The following SCN3A variants were observed in gnomAD, a reference collection of about 807,000 sequenced individuals.
SCN3A encodes the protein sodium channel protein type 3 subunit alpha.
In SCN3A, 60 loss-of-function variants were observed where a neutral mutation model predicts 187.6. The ratio of observed to expected loss-of-function variants is 0.32; its 90% CI spans 0.26 to 0.40. The LOEUF (loss-of-function observed/expected upper bound fraction) is 0.40. Ranked by LOEUF, SCN3A falls within the 10% of genes least tolerant of loss-of-function variation. The pLI, the probability that SCN3A is intolerant of heterozygous loss-of-function variation, is 1.00. For missense variants in SCN3A, 1,601 were observed against 2,428.2 expected (o/e 0.66, Z 7.16); for synonymous variants, 788 against 829.2 (o/e 0.95, Z 0.85).
intron 5 of SCN3A, among the ~76,000 whole-genome samples, 165 bp downstream of exon 5, chr2:165,168,571 G>A (rs142220679): frequency 1.9e-4 from 29 of 152,012 alleles, no homozygotes; most frequent in Admixed American, 3.9e-4. Context: ...TACTTACCTC[G>A]TAGAAGAATA....
At chr2:165,119,443 C>T (rs889031859) in intron 18 of SCN3A, among the ~76,000 whole-genome samples, 2 of 152,122 alleles carry the variant, frequency 1.3e-5, no homozygotes, top group Non-Finnish European at 2.9e-5. Flanking sequence ...TCACTGGATA[C>T]ATAAAGAACT....
chr2:165,172,867 C>A (rs1296672351), intron 3 of SCN3A, among the ~76,000 whole-genome samples: 1 of 152,094 alleles, frequency 6.6e-6, no homozygotes, highest in Non-Finnish European at 1.5e-5. Context: ...CAATACCTGA[C>A]ACAAAGAGAA....
At chr2:165,099,275 A>C (rs528144597) in intron 22 of SCN3A, among the ~76,000 whole-genome samples, 1 of 152,346 alleles carries the variant, frequency 6.6e-6, no homozygotes, top group East Asian at 1.9e-4. Flanking sequence ...ACCGAGGGGC[A>C]TGGCAAATGG....
At chr2:165,196,479 T>C (rs1321750725) in intron 1 of SCN3A, among the ~76,000 whole-genome samples, 1 of 152,116 alleles carries the variant, frequency 6.6e-6, no homozygotes, top group Admixed American at 6.6e-5. Context: ...ATGATGATCC[T>C]CTAGGGAAAA....
In SCN3A at chr2:165,090,507, G is replaced by A. The variant is rs770414744; in HGVS notation, c.5646C>T (p.Asn1882=). The A allele has an allele frequency of 3.7e-6, 6 of 1,613,870 alleles. No homozygotes were observed. In the African/African-American group the frequency reaches 5.3e-5, roughly 14 times the overall value. ...IQMEDRFMAS[N]PSKVSYEPIT... ...TAGGCTCATAAGAGACTTTGGAGGG[G>A]TTTGATGCCATAAACCTGTCTTCCA... The change falls in exon 28 of 28, where the codon AAC becomes AAT. Residue 1882 remains asparagine (N), a synonymous_variant. Coordinates refer to ENST00000283254, the MANE Select transcript of SCN3A (RefSeq NM_006922.4). This position sits in a 1 kb window ranked among gnomAD's most constrained non-coding sequence, Gnocchi z 4.0.
chr2:165,142,722 C>CGTG (rs1195910694), intron 12 of SCN3A, among the ~76,000 whole-genome samples: 4 of 111,916 alleles, frequency 3.6e-5, no homozygotes, highest in Admixed American at 9.1e-5. Context: ...ATCCAGAACT[C>CGTG]GTGTTGTTGT....
rs182054642 is a variant in SCN3A, at chr2:165,091,091, C to A, written c.5062G>T (p.Asp1688Tyr). 1 of 1,614,080 alleles carries A rather than the reference C, an allele frequency of 6.2e-7. No homozygotes were observed. The highest frequency in any genetic ancestry group is 2.2e-5 in the East Asian group (1 of 44,874). ...CCAAAGGTCTCAAAGTTGAACATGTCATCAATTCCAGCTTCCTTTTTAACA... is the reference window on the plus strand; with the variant it reads ...CCAAAGGTCTCAAAGTTGAACATGTAATCAATTCCAGCTTCCTTTTTAACA... ...AYVKKEAGID[D>Y]MFNFETFGNS... Residue 1688 changes from aspartate to tyrosine, a missense_variant, in exon 28 of 28, where the codon GAC becomes TAC. By Grantham distance (160) the Asp-to-Tyr change is radical (BLOSUM62 -3). This residue lies in a region of SCN3A where 320 missense variants were observed against 623.2 expected (regional missense o/e 0.51). Coordinates refer to ENST00000283254, the MANE Select transcript of SCN3A (RefSeq NM_006922.4).
At chr2:165,138,264 A>G (rs912013933) in intron 14 of SCN3A, 147 bp from the exon 15 acceptor site, 1 of 658,142 alleles carries the variant, frequency 1.5e-6, no homozygotes, top group African/African-American at 1.8e-5. Flanking sequence ...AGACAATCCC[A>G]TTAAATATTT....
At chr2:165,108,687 A>G (rs936454819) in intron 21 of SCN3A, among the ~76,000 whole-genome samples, 5 of 152,212 alleles carry the variant, frequency 3.3e-5, no homozygotes, top group African/African-American at 1.2e-4. Flanking sequence ...TTAAATAAAT[A>G]TTAATTAAAT....
At chr2:165,154,238 T>C (rs182773330) in intron 11 of SCN3A, among the ~76,000 whole-genome samples, 1 of 152,218 alleles carries the variant, frequency 6.6e-6, no homozygotes, top group African/African-American at 2.4e-5. Flanking sequence ...ATGTATTTTC[T>C]ATCCGCTAGC....
chr2:165,202,879 T>C (rs970933243), intron 1 of SCN3A, among the ~76,000 whole-genome samples: 1 of 152,074 alleles, frequency 6.6e-6, no homozygotes, highest in Non-Finnish European at 1.5e-5. Context: ...GTATGATTTT[T>C]AAAACTTATC....
chr2:165,182,192 A>G (rs936216627), intron 2 of SCN3A, among the ~76,000 whole-genome samples: 1 of 152,204 alleles, frequency 6.6e-6, no homozygotes, highest in African/African-American at 2.4e-5. Context: ...CCAGTTGTCT[A>G]AAATCTATAC....
At chr2:165,103,656 GAA>G (rs1259510862) in intron 21 of SCN3A, among the ~76,000 whole-genome samples, 8 of 152,086 alleles carry the variant, frequency 5.3e-5, no homozygotes, top group Non-Finnish European at 8.8e-5. Context: ...GACTGAGAAA[GAA>G]AAGAATAATG....
At chr2:165,125,796 T>C (rs1686959821) in intron 18 of SCN3A, among the ~76,000 whole-genome samples, 1 of 152,182 alleles carries the variant, frequency 6.6e-6, no homozygotes, top group Non-Finnish European at 1.5e-5. Context: ...GACTGGTATT[T>C]CTTCTTACAT....
At chr2:165,171,280 G>T (rs1334086440) in intron 3 of SCN3A, among the ~76,000 whole-genome samples, 1 of 151,840 alleles carries the variant, frequency 6.6e-6, no homozygotes, top group African/African-American at 2.4e-5. Flanking sequence ...TCAGTTGTCA[G>T]CCTCACTCAC....
At chr2:165,165,303 A>G (rs35681394) in intron 5 of SCN3A, among the ~76,000 whole-genome samples, 35,332 of 151,444 alleles carry the variant, frequency 0.23, 5,423 homozygotes, top group East Asian at 0.52. Context: ...GTGTGTGTGT[A>G]TATATTATCA....
intron 4 of SCN3A, 37 bp from the exon 5 acceptor site, chr2:165,168,862 C>A: frequency 7.1e-7 from 1 of 1,400,830 alleles, no homozygotes; most frequent in Non-Finnish European, 1.0e-6. Context: ...TAGTAGGTTA[C>A]CATGGCCATT....
At position 165,127,808 on chromosome 2, in the gene SCN3A, A is replaced by G. The variant is rs1687081231; in HGVS notation, c.3216T>C (p.Ser1072=). 3 of 1,614,044 alleles carry G rather than the reference A, an allele frequency of 1.9e-6. No homozygotes were observed. The African/African-American group carries it at 4.0e-5, about 22-fold the overall frequency. ...NYLRDGNGTT[S]GVGTGSSVEK... is the part of the protein sequence containing the mutation. ...CAACACTGCTTCCAGTACCTACACC[A>G]CTGGTGGTTCCATTCCCATCTCTAA... Residue 1072 remains serine (S), a synonymous_variant, in exon 18 of 28, where the codon AGT becomes AGC. Transcript: ENST00000283254.
At chr2:165,110,531 A>G (rs1297007908) in intron 21 of SCN3A, among the ~76,000 whole-genome samples, 2 of 152,036 alleles carry the variant, frequency 1.3e-5, no homozygotes, top group Non-Finnish European at 2.9e-5. Flanking sequence ...TGTGACTTTA[A>G]TTTTGTTACA....
Sources: allele counts gnomAD v4.1 joint callset (sites outside exome capture counted in the v4.1 genomes callset), GRCh38; gene constraint gnomAD v4.1.1; regional missense constraint gnomAD v4.1.1; non-coding constraint Gnocchi (gnomAD v3.1); transcripts MANE v1.5; gene names NCBI Gene and HGNC (gene_info 2026-07-23, HGNC 2026-07-21).